ELAPOR2: variants seen among roughly 807,000 people sequenced by gnomAD.
ELAPOR2 encodes the protein endosome-lysosome associated apoptosis and autophagy regulator family member 2.
Under a neutral mutation model 120.7 loss-of-function variants are expected in ELAPOR2, and 89 were observed. The ratio of observed to expected loss-of-function variants is 0.74; its 90% CI spans 0.62 to 0.88. ELAPOR2 has a LOEUF of 0.88. ELAPOR2 is among the 40% of genes least tolerant of loss of function. The pLI, the probability that ELAPOR2 is intolerant of heterozygous loss-of-function variation, is 0.00. For synonymous variants in ELAPOR2, 444 were observed against 444.9 expected, an observed-to-expected ratio of 1.00 and a Z score of 0.03; for missense variants, 1,134 against 1,251.6, an observed-to-expected ratio of 0.91 and a Z score of 1.42.
At chr7:87,014,394 T>C (rs1003767749) in intron 1 of ELAPOR2, among the ~76,000 whole-genome samples, 2 of 152,210 alleles carry the variant, frequency 1.3e-5, no homozygotes, top group Non-Finnish European at 2.9e-5. Context: ...TAACTATTTA[T>C]GGTAAAAGCT....
At chr7:86,998,528 T>C (rs761343604) in intron 1 of ELAPOR2, among the ~76,000 whole-genome samples, 1 of 152,176 alleles carries the variant, frequency 6.6e-6, no homozygotes, top group Non-Finnish European at 1.5e-5. Flanking sequence ...TCTTGCATTT[T>C]GGGGCAGAGA....
intron 1 of ELAPOR2, among the ~76,000 whole-genome samples, chr7:87,004,634 C>G (rs1249754198): frequency 6.6e-6 from 1 of 152,034 alleles, no homozygotes; most frequent in Admixed American, 6.6e-5. Context: ...GAGATAACAG[C>G]CAACCAACAC....
At chr7:87,022,791 C>T (rs76592520) in intron 1 of ELAPOR2, among the ~76,000 whole-genome samples, 58,970 of 148,294 alleles carry the variant, frequency 0.4, 13,248 homozygotes, top group African/African-American at 0.62. Flanking sequence ...TGAGATGGTA[C>T]CTCATTGTGG....
At chr7:86,898,956 C>T (rs1448486401) in intron 18 of ELAPOR2, among the ~76,000 whole-genome samples, 4 of 152,138 alleles carry the variant, frequency 2.6e-5, no homozygotes, top group Non-Finnish European at 5.9e-5. Flanking sequence ...AACAAACCAA[C>T]CATCAGGTCA....
At chr7:87,020,924 G>C (rs1794018447) in intron 1 of ELAPOR2, among the ~76,000 whole-genome samples, 1 of 152,008 alleles carries the variant, frequency 6.6e-6, no homozygotes, top group South Asian at 2.1e-4. Context: ...TCTCTTGCAT[G>C]TGCTACTTTT....
At chr7:87,045,559 G>A (rs1794926325) in intron 1 of ELAPOR2, among the ~76,000 whole-genome samples, 1 of 147,482 alleles carries the variant, frequency 6.8e-6, no homozygotes, top group African/African-American at 2.5e-5. Flanking sequence ...ATTGAACAGT[G>A]AGATCACATG....
chr7:86,911,929 A>C (rs1192612159), intron 15 of ELAPOR2, 143 bp downstream of exon 15: 5 of 828,736 alleles, frequency 6.0e-6, no homozygotes, highest in African/African-American at 1.7e-5. Flanking sequence ...TCTAGGCAGC[A>C]ATAGAGGATC....
intron 4 of ELAPOR2, among the ~76,000 whole-genome samples, chr7:86,944,694 C>T (rs1351033063): frequency 2.0e-5 from 3 of 151,620 alleles, no homozygotes; most frequent in South Asian, 4.2e-4. Context: ...AAGGTGAGAT[C>T]TTGGAGGTAA....
intron 2 of ELAPOR2, among the ~76,000 whole-genome samples, chr7:86,958,665 G>A (rs1001874652): frequency 3.3e-5 from 5 of 152,120 alleles, no homozygotes; most frequent in South Asian, 2.1e-4. Context: ...CCTTCATCCT[G>A]TTTCCTATAC....
chr7:86,935,624 C>G (rs1562931143), intron 8 of ELAPOR2, among the ~76,000 whole-genome samples: 1 of 151,974 alleles, frequency 6.6e-6, no homozygotes, highest in Non-Finnish European at 1.5e-5. Flanking sequence ...AATTTTCAGG[C>G]CTTCCTCCAG....
Position 86,919,317 on chromosome 7 carries a change from G to A in ELAPOR2, c.1400-7C>T. 1 of 1,551,438 alleles carries A rather than the reference G, an allele frequency of 6.4e-7. No homozygotes were observed. Among genetic ancestry groups the A allele is most frequent in the Non-Finnish European group, 8.8e-7 (1 of 1,137,602 alleles). On this transcript the variant is annotated splice_polypyrimidine_tract_variant and splice_region_variant and intron_variant, in intron 10 of 21. Transcript: ENST00000450689. ...TCTCCAGCCACCTCCCAACCTAGAA[G>A]TAATAAAAGTCATTTTTATTAATAA...
intron 21 of ELAPOR2, among the ~76,000 whole-genome samples, chr7:86,889,777 A>T (rs1355397561): frequency 6.6e-6 from 1 of 152,018 alleles, no homozygotes; most frequent in Non-Finnish European, 1.5e-5. Context: ...TTCTGTTAAG[A>T]TTTTGAAAAT....
At chr7:86,935,994 C>T (rs1790544718) in intron 8 of ELAPOR2, among the ~76,000 whole-genome samples, 1 of 151,920 alleles carries the variant, frequency 6.6e-6, no homozygotes, top group Non-Finnish European at 1.5e-5. Context: ...TTGTAACACT[C>T]CTATGTCATG....
intron 1 of ELAPOR2, 43 bp downstream of exon 1, chr7:87,059,282 C>T: frequency 8.0e-7 from 1 of 1,245,452 alleles, no homozygotes. Flanking sequence ...TCTTCCGCGC[C>T]CTCCCCCAGC....
At chr7:87,043,845 G>C (rs1353237487) in intron 1 of ELAPOR2, among the ~76,000 whole-genome samples, 1 of 151,602 alleles carries the variant, frequency 6.6e-6, no homozygotes, top group East Asian at 1.9e-4. Flanking sequence ...CGACATGACT[G>C]TATATCTAGA....
intron 1 of ELAPOR2, among the ~76,000 whole-genome samples, chr7:87,045,871 A>C (rs566422016): frequency 1.3e-5 from 2 of 152,208 alleles, no homozygotes; most frequent in East Asian, 3.9e-4. Flanking sequence ...AAAAACTGAA[A>C]GCCTTTCCTC....
chr7:87,040,788 G>A (rs1288489699), intron 1 of ELAPOR2, among the ~76,000 whole-genome samples: 2 of 152,226 alleles, frequency 1.3e-5, no homozygotes, highest in Non-Finnish European at 2.9e-5. Context: ...GTTGAGAGAA[G>A]AAGGCTTCAG....
At chr7:86,911,563 A>G (rs1201550417) in intron 15 of ELAPOR2, 3 of 451,666 alleles carry the variant, frequency 6.6e-6, no homozygotes, top group East Asian at 6.9e-5. Context: ...GCCAGTATCA[A>G]TTAAGATTCC....
chr7:87,048,080 C>T (rs759443014), intron 1 of ELAPOR2, among the ~76,000 whole-genome samples: 5 of 151,984 alleles, frequency 3.3e-5, no homozygotes, highest in Non-Finnish European at 7.4e-5. Context: ...CCAATCTCTA[C>T]TAAAAATACA....
Sources: gnomAD v4.1 joint callset for allele counts (sites outside exome capture counted in the v4.1 genomes callset) on GRCh38, gnomAD v4.1.1 for gene constraint, MANE v1.5 for transcripts, NCBI Gene and HGNC (gene_info 2026-07-23, HGNC 2026-07-21) for gene names.